The following ARFIP1 variants were observed in gnomAD, a reference collection of about 807,000 sequenced individuals.
ARFIP1 encodes the protein ARF interacting protein 1, also known as arfaptin-1.
In ARFIP1, 24 loss-of-function variants were observed where a neutral mutation model predicts 42.5. The observed-to-expected ratio is 0.57, with a 90% confidence interval of 0.41 to 0.80. ARFIP1 has a LOEUF of 0.80. Ranked by LOEUF, ARFIP1 falls within the 30% of genes least tolerant of loss-of-function variation. The pLI is 0.00. For synonymous variants in ARFIP1, 141 were observed against 153.7 expected, an observed-to-expected ratio of 0.92 and a Z score of 0.61; for missense variants, 354 against 434.0, an observed-to-expected ratio of 0.82 and a Z score of 1.64.
chr4:152,904,194 A>AT (rs1347913995), intron 8 of ARFIP1, among the ~76,000 whole-genome samples: 1 of 96,744 alleles, frequency 1.0e-5, no homozygotes, highest in African/African-American at 4.2e-5. Context: ...ATATATATAT[A>AT]TATATTTTTT....
Position 152,912,290 on chromosome 4 carries a change from A to G in ARFIP1, c.*2071A>G, listed in dbSNP as rs1286557276. On this transcript the variant is annotated 3_prime_UTR_variant, in exon 9 of 9. Transcript: ENST00000353617. Reference sequence around the variant, plus strand: ...TATGTTCATTATAGAAAAGAATTAGAAGAAAATTTCAAGTAATAGAAGATA... The same window carrying G: ...TATGTTCATTATAGAAAAGAATTAGGAGAAAATTTCAAGTAATAGAAGATA... The G allele has an allele frequency of 6.6e-6, 1 of 152,218 alleles. No individual in the cohort carries two copies. The highest frequency in any genetic ancestry group is 1.5e-5 in the Non-Finnish European group (1 of 68,018). The allele number at this position is 152,218 out of a possible 1,614,324, so 9.4% of individuals were successfully genotyped here.
At chr4:152,879,890 A>G (rs1005082548) in intron 5 of ARFIP1, among the ~76,000 whole-genome samples, 4 of 152,168 alleles carry the variant, frequency 2.6e-5, no homozygotes, top group African/African-American at 7.2e-5. Context: ...GTACTTATTT[A>G]CTACTTTTTA....
At chr4:152,909,559 C>T (rs1397345439) in intron 8 of ARFIP1, among the ~76,000 whole-genome samples, 4 of 151,998 alleles carry the variant, frequency 2.6e-5, no homozygotes, top group Admixed American at 6.5e-5. Context: ...GTCATATGAG[C>T]GTTAAGTAAA....
intron 1 of ARFIP1, among the ~76,000 whole-genome samples, chr4:152,808,110 A>C (rs967679814): frequency 6.6e-6 from 1 of 151,926 alleles, no homozygotes; most frequent in Non-Finnish European, 1.5e-5. Flanking sequence ...CCTCCCAAGT[A>C]AATGGGATTA....
intron 1 of ARFIP1, among the ~76,000 whole-genome samples, chr4:152,819,081 T>G (rs1439943222): frequency 1.3e-5 from 2 of 152,116 alleles, no homozygotes; most frequent in Non-Finnish European, 2.9e-5. Context: ...GGGAACCCCA[T>G]GGCCCTGCCC....
intron 8 of ARFIP1, among the ~76,000 whole-genome samples, chr4:152,906,365 C>T (rs62320565): frequency 0.025 from 3,884 of 152,318 alleles, 74 homozygotes; most frequent in South Asian, 0.073. Context: ...TCCATGCCTG[C>T]CCCTCTCACA....
chr4:152,900,136 G>T (rs1338091041), intron 8 of ARFIP1, among the ~76,000 whole-genome samples: 1 of 150,374 alleles, frequency 6.7e-6, no homozygotes, highest in Non-Finnish European at 1.5e-5. Flanking sequence ...AGGGTGGAAG[G>T]AAGAAAAGGA....
Position 152,902,050 on chromosome 4 carries a change from G to A in ARFIP1, c.967-8014G>A, listed in dbSNP as rs1367729523. Among the ~76,000 whole-genome samples the A allele has an allele frequency of 2.6e-5, 4 of 152,188 alleles. No individual in the cohort carries two copies. The South Asian group carries it at 6.2e-4, about 24-fold the overall frequency. ...AAATGTCTATTGCCCATGAATAGAA[G>A]CAGATTAAAATAGGTGAAAGGACAT... is the stretch of plus-strand genomic sequence containing the variant. On this transcript the variant is annotated intron_variant, in intron 8 of 8. Coordinates refer to ENST00000353617, the MANE Select transcript of ARFIP1 (RefSeq NM_001025595.3).
At chr4:152,808,117 A>T (rs906431864) in intron 1 of ARFIP1, among the ~76,000 whole-genome samples, 28 of 151,828 alleles carry the variant, frequency 1.8e-4, no homozygotes, top group African/African-American at 6.8e-4. Flanking sequence ...AGTAAATGGG[A>T]TTACAGGCAT....
chr4:152,851,020 A>G (rs747617083), intron 2 of ARFIP1, among the ~76,000 whole-genome samples: 7 of 152,244 alleles, frequency 4.6e-5, no homozygotes, highest in Non-Finnish European at 8.8e-5. Context: ...TCAAACATTT[A>G]ACATAAGTGT....
intron 8 of ARFIP1, among the ~76,000 whole-genome samples, chr4:152,909,230 C>A (rs1738637793): frequency 6.6e-6 from 1 of 151,964 alleles, no homozygotes; most frequent in Non-Finnish European, 1.5e-5. Flanking sequence ...ACCAAAAATA[C>A]AAAAATTAGC....
intron 1 of ARFIP1, among the ~76,000 whole-genome samples, chr4:152,822,716 C>T (rs1730489851): frequency 6.6e-6 from 1 of 152,186 alleles, no homozygotes; most frequent in African/African-American, 2.4e-5. Flanking sequence ...CAGGTATCTT[C>T]TCAGATCACA....
In ARFIP1 at chr4:152,789,080, CTTTT is replaced by C. The variant is rs71598215; in HGVS notation, c.-10+8879_-10+8882del. ...CATCACATCATATCAAGAATACAGA[CTTTT>C]TTTTTTTTTTTTTTTTTTTTTTTTG... On this transcript the variant is annotated intron_variant, in intron 1 of 8. Coordinates refer to ENST00000353617, the MANE Select transcript of ARFIP1 (RefSeq NM_001025595.3). Among the ~76,000 whole-genome samples, 168 of 71,818 alleles carry C rather than the reference CTTTT, an allele frequency of 2.3e-3. 2 individuals carry two copies. In the East Asian group the frequency reaches 0.053, roughly 23 times the overall value. 47.1% of individuals were successfully genotyped at this position (71,818 alleles called of 152,430 possible). A position where few individuals can be genotyped will look rare whatever the true frequency, so the allele number is the denominator to read the frequency against.
intron 1 of ARFIP1, among the ~76,000 whole-genome samples, chr4:152,798,256 C>T (rs540353665): frequency 6.6e-6 from 1 of 152,282 alleles, no homozygotes; most frequent in South Asian, 2.1e-4. Flanking sequence ...GAGCGAGACA[C>T]CGTCTCAAAA....
At chr4:152,786,357 C>T (rs551257917) in intron 1 of ARFIP1, among the ~76,000 whole-genome samples, 9 of 152,146 alleles carry the variant, frequency 5.9e-5, no homozygotes, top group East Asian at 3.8e-4. Flanking sequence ...AACTGCACAA[C>T]GTTGGTTCTT....
At chr4:152,849,101 A>G (rs961977828) in intron 2 of ARFIP1, among the ~76,000 whole-genome samples, 9 of 152,194 alleles carry the variant, frequency 5.9e-5, no homozygotes, top group Non-Finnish European at 1.0e-4. Flanking sequence ...TTTTAATACT[A>G]TTACTACAAA....
At chr4:152,835,030 CCTCTGGT>C (rs1324986909) in intron 2 of ARFIP1, among the ~76,000 whole-genome samples, 1 of 152,186 alleles carries the variant, frequency 6.6e-6, no homozygotes, top group Non-Finnish European at 1.5e-5. Flanking sequence ...TTCTTCTAGG[CCTCTGGT>C]CTTGTGATAG....
intron 2 of ARFIP1, among the ~76,000 whole-genome samples, chr4:152,830,855 A>G (rs1412202663): frequency 1.3e-5 from 2 of 152,194 alleles, no homozygotes; most frequent in Non-Finnish European, 2.9e-5. Context: ...TACTGTTATA[A>G]ATAGATCGGT....
intron 8 of ARFIP1, among the ~76,000 whole-genome samples, chr4:152,903,349 G>A (rs1030133163): frequency 2.0e-5 from 3 of 152,098 alleles, no homozygotes; most frequent in Non-Finnish European, 4.4e-5. Context: ...CTACATTACA[G>A]TAACCAATAC....
Sources: allele counts gnomAD v4.1 joint callset (sites outside exome capture counted in the v4.1 genomes callset), GRCh38; gene constraint gnomAD v4.1.1; transcripts MANE v1.5; gene names NCBI Gene and HGNC (gene_info 2026-07-23, HGNC 2026-07-21).